LRRC37A2: variants seen among roughly 807,000 people sequenced by gnomAD.
LRRC37A2 encodes leucine rich repeat containing 37 member A2.
A neutral mutation model predicts 68.8 loss-of-function variants in LRRC37A2; 9 were observed. The observed-to-expected ratio is 0.13, with a 90% CI of 0.08 to 0.23. LRRC37A2 has a LOEUF of 0.23. LRRC37A2 is among the 10% of genes least tolerant of loss of function. The pLI is 1.00. For synonymous variants in LRRC37A2, 63 were observed against 367.6 expected, an observed-to-expected ratio of 0.17 and a Z score of 9.48; for missense variants, 168 against 950.4, an observed-to-expected ratio of 0.18 and a Z score of 10.82.
chr17:46,819,007 G>C, the LRRC37A2 span, among the ~76,000 whole-genome samples: 1 of 152,184 alleles, frequency 6.6e-6, no homozygotes, highest in African/African-American at 2.4e-5. The surrounding 1 kb of genome is among the most constrained non-coding windows in gnomAD (Gnocchi z 5.3). Context: ...GTTAGGGCGC[G>C]GGGGCTTTGA....
the LRRC37A2 span, chr17:46,923,831 A>G: frequency 2.5e-6 from 1 of 399,426 alleles, no homozygotes; most frequent in Non-Finnish European, 4.4e-6. Flanking sequence ...CTTTATTCGC[A>G]TCGTCCTGCA....
the LRRC37A2 span, among the ~76,000 whole-genome samples, chr17:46,974,159 G>A: frequency 1.5e-4 from 23 of 152,314 alleles, no homozygotes; most frequent in Non-Finnish European, 1.3e-4. Context: ...GACAGGATGT[G>A]GGGGATTTGA....
the LRRC37A2 span, among the ~76,000 whole-genome samples, chr17:47,035,651 C>T: frequency 1.3e-5 from 2 of 152,156 alleles, no homozygotes; most frequent in African/African-American, 2.4e-5. Context: ...TTTGTGTGGA[C>T]ATGTTTTTAA....
the LRRC37A2 span, among the ~76,000 whole-genome samples, chr17:46,857,920 TTTG>T: frequency 6.6e-5 from 10 of 151,300 alleles, no homozygotes; most frequent in Non-Finnish European, 1.2e-4. Context: ...CTTTATGTAT[TTTG>T]TTGTTGTTGT....
chr17:47,038,347 G>A, the LRRC37A2 span, among the ~76,000 whole-genome samples: 1 of 151,644 alleles, frequency 6.6e-6, no homozygotes, highest in African/African-American at 2.4e-5. Flanking sequence ...CAGATGCAGT[G>A]GTGCATACCT....
At chr17:46,963,843 A>G in the LRRC37A2 span, 2 of 152,142 alleles carry the variant, frequency 1.3e-5, no homozygotes, top group African/African-American at 4.8e-5. Context: ...AGAGAATAGC[A>G]TCTTGCTCTG....
the LRRC37A2 span, among the ~76,000 whole-genome samples, chr17:46,783,389 T>G: frequency 6.6e-6 from 1 of 152,200 alleles, no homozygotes. Context: ...TCACTGCCTA[T>G]TCACTCAACA....
the LRRC37A2 span, chr17:46,911,481 G>A: frequency 6.6e-6 from 1 of 152,236 alleles, no homozygotes; most frequent in Non-Finnish European, 1.5e-5. Flanking sequence ...ACATGCCCAA[G>A]GTAGGAGTCA....
chr17:46,758,310 C>T, the LRRC37A2 span, among the ~76,000 whole-genome samples: 2 of 152,216 alleles, frequency 1.3e-5, no homozygotes, highest in South Asian at 4.1e-4. Context: ...CAAGAACTTC[C>T]ACAACGGGAG....
At chr17:46,978,731 T>G in the LRRC37A2 span, 6 of 1,612,452 alleles carry the variant, frequency 3.7e-6, no homozygotes, top group Non-Finnish European at 5.1e-6. Flanking sequence ...TCGGACTTGA[T>G]GAGCAGGTTG....
At chr17:47,009,138 A>T in the LRRC37A2 span, among the ~76,000 whole-genome samples, 5 of 152,306 alleles carry the variant, frequency 3.3e-5, no homozygotes, top group East Asian at 7.7e-4. Flanking sequence ...ATCTCAAAAA[A>T]AAAAAAGCAA....
At chr17:46,857,474 CAAA>C in the LRRC37A2 span, among the ~76,000 whole-genome samples, 8 of 94,642 alleles carry the variant, frequency 8.5e-5, no homozygotes, top group Non-Finnish European at 9.4e-5. Context: ...GACTCTGTCT[CAAA>C]AAAAAAAAAA....
chr17:46,992,220 T>TAAATAAATAAATAAATAAATA, the LRRC37A2 span, among the ~76,000 whole-genome samples: 1,510 of 36,370 alleles, frequency 0.042, 20 homozygotes, highest in African/African-American at 0.11. Context: ...ATAAATAAAT[T>TAAATAAATAAATAAATAAATA]AGCCAGGTGT....
the LRRC37A2 span, among the ~76,000 whole-genome samples, chr17:46,912,037 A>T: frequency 6.6e-6 from 1 of 152,108 alleles, no homozygotes; most frequent in Non-Finnish European, 1.5e-5. Flanking sequence ...GCTTGATGTG[A>T]CACACAAGTC....
At chr17:46,793,268 T>C in the LRRC37A2 span, among the ~76,000 whole-genome samples, 11 of 63,764 alleles carry the variant, frequency 1.7e-4, no homozygotes, top group Middle Eastern at 0.016. Context: ...AGTGAGACCC[T>C]GTCTAAAAAA....
At chr17:46,765,911 T>C in the LRRC37A2 span, among the ~76,000 whole-genome samples, 1 of 152,222 alleles carries the variant, frequency 6.6e-6, no homozygotes, top group Non-Finnish European at 1.5e-5. Flanking sequence ...TGGGAGTGTT[T>C]ATCAGAAGGG....
the LRRC37A2 span, among the ~76,000 whole-genome samples, chr17:46,609,538 AT>A: frequency 6.7e-6 from 1 of 150,316 alleles, no homozygotes. Flanking sequence ...CCAGTTTTTG[AT>A]TCAATTATTT....
the LRRC37A2 span, among the ~76,000 whole-genome samples, chr17:46,801,078 T>C: frequency 6.6e-6 from 1 of 152,182 alleles, no homozygotes; most frequent in Non-Finnish European, 1.5e-5. Context: ...CGTTATATCC[T>C]TTCATCCTCA....
the LRRC37A2 span, among the ~76,000 whole-genome samples, chr17:46,877,938 C>T: frequency 5.3e-5 from 8 of 152,258 alleles, no homozygotes; most frequent in Non-Finnish European, 7.4e-5. Flanking sequence ...GAGGAGGAGA[C>T]GTGACTTTGA....
Sources: allele counts gnomAD v4.1 joint callset (sites outside exome capture counted in the v4.1 genomes callset), GRCh38; gene constraint gnomAD v4.1.1; non-coding constraint Gnocchi (gnomAD v3.1); transcripts MANE v1.5; gene names NCBI Gene and HGNC (gene_info 2026-07-23, HGNC 2026-07-21).